ZFPM2: variants seen among roughly 807,000 people sequenced by gnomAD.
The protein encoded by ZFPM2 is zinc finger protein, FOG family member 2, also known as zinc finger protein ZFPM2.
Under a neutral mutation model 98.6 loss-of-function variants are expected in ZFPM2, and 20 were observed. The ratio of observed to expected loss-of-function variants is 0.20; its 90% CI spans 0.14 to 0.29. The LOEUF (loss-of-function observed/expected upper bound fraction) is 0.29. Among genes scored for constraint, ZFPM2 ranks in the 10% least tolerant of loss-of-function variants. The probability of loss-of-function intolerance (pLI) is 1.00; values close to 1 mark genes in which losing one functional copy is unlikely to be tolerated. For missense variants in ZFPM2, 1,310 were observed against 1,388.6 expected (o/e 0.94, Z 0.90); for synonymous variants, 518 against 502.7 (o/e 1.03, Z -0.41).
chr8:105,793,188 C>G (rs1474609444), intron 6 of ZFPM2, among the ~76,000 whole-genome samples: 1 of 151,994 alleles, frequency 6.6e-6, no homozygotes, highest in African/African-American at 2.4e-5. Flanking sequence ...TCTCGATGGT[C>G]TTTACGTTTT....
intron 5 of ZFPM2, among the ~76,000 whole-genome samples, chr8:105,717,289 T>A (rs1034308205): frequency 6.6e-6 from 1 of 151,958 alleles, no homozygotes; most frequent in Non-Finnish European, 1.5e-5. Flanking sequence ...TACCCAACCT[T>A]GAGGGGAAAA....
intron 1 of ZFPM2, among the ~76,000 whole-genome samples, chr8:105,368,393 C>T (rs1320928013): frequency 2.0e-5 from 3 of 152,008 alleles, no homozygotes; most frequent in Non-Finnish European, 4.4e-5. Context: ...AATCTCAGGC[C>T]CAGTGTGTCT....
chr8:105,468,298 T>C (rs1470508582), intron 3 of ZFPM2, among the ~76,000 whole-genome samples: 1 of 152,050 alleles, frequency 6.6e-6, no homozygotes, highest in Admixed American at 6.6e-5. Context: ...TGCTCCCAAA[T>C]TGCACTTGTG....
intron 6 of ZFPM2, chr8:105,795,723 G>T (rs1304143035): frequency 6.1e-5 from 25 of 410,342 alleles, no homozygotes; most frequent in Non-Finnish European, 5.7e-5. Context: ...AAAAGAAATT[G>T]AACTTAACTT....
At chr8:105,799,253 C>T (rs779485786) in intron 7 of ZFPM2, among the ~76,000 whole-genome samples, 1 of 152,072 alleles carries the variant, frequency 6.6e-6, no homozygotes, top group Non-Finnish European at 1.5e-5. Flanking sequence ...TGAATATTGC[C>T]ATTTATTGCT....
chr8:105,505,117 C>T (rs899857376), intron 3 of ZFPM2, among the ~76,000 whole-genome samples: 1 of 152,066 alleles, frequency 6.6e-6, no homozygotes, highest in East Asian at 1.9e-4. Context: ...CTCTTGACCA[C>T]CATTACTTCA....
chr8:105,664,577 G>T (rs920568865), intron 5 of ZFPM2, among the ~76,000 whole-genome samples: 33 of 152,196 alleles, frequency 2.2e-4, no homozygotes, highest in Middle Eastern at 3.4e-3. Context: ...CAGGTGATCC[G>T]CCTGCCTTGG....
intron 5 of ZFPM2, among the ~76,000 whole-genome samples, chr8:105,765,573 T>C (rs1267844188): frequency 1.3e-5 from 2 of 151,590 alleles, no homozygotes; most frequent in Admixed American, 6.6e-5. Flanking sequence ...TTGCACCAAA[T>C]GGTAGAAGAA....
rs1303627095 is a variant in ZFPM2 at position 105,561,415 on chromosome 8, G to T, written c.354G>T (p.Gln118His). 3.7e-6 allele frequency: 6 copies of T among 1,613,468 alleles called. No homozygotes were observed. Among genetic ancestry groups the T allele is most frequent in the Non-Finnish European group, 5.1e-6 (6 of 1,179,670 alleles). ...GGGAACGAAAAATTCAGAGTCGACAGCAACTTCCAGTGGGAACAACCTGGG... is the reference window on the plus strand; with the variant it reads ...GGGAACGAAAAATTCAGAGTCGACATCAACTTCCAGTGGGAACAACCTGGG... ...KDGERKIQSR[Q>H]QLPVGTTWGP... The change falls in exon 4 of 8, where the codon CAG becomes CAT. Residue 118 changes from glutamine (Q) to histidine (H), a missense_variant. Transcript: ENST00000407775.
chr8:105,700,740 C>T (rs1468484947), intron 5 of ZFPM2, among the ~76,000 whole-genome samples: 15 of 151,928 alleles, frequency 9.9e-5, no homozygotes, highest in Non-Finnish European at 1.9e-4. Flanking sequence ...GGATTACAGC[C>T]GCGCACCACC....
At chr8:105,494,480 G>T (rs1813422223) in intron 3 of ZFPM2, among the ~76,000 whole-genome samples, 2 of 151,502 alleles carry the variant, frequency 1.3e-5, no homozygotes, top group Admixed American at 1.3e-4. Flanking sequence ...TTTTCCCTTT[G>T]AATTTACCAT....
chr8:105,743,881 G>C (rs1201176291), intron 5 of ZFPM2, among the ~76,000 whole-genome samples: 1 of 152,062 alleles, frequency 6.6e-6, no homozygotes, highest in African/African-American at 2.4e-5. Context: ...CGTGTTCATA[G>C]ATTTCTCTTA....
chr8:105,675,392 C>G (rs1810419923), intron 5 of ZFPM2, among the ~76,000 whole-genome samples: 5 of 152,058 alleles, frequency 3.3e-5, no homozygotes. Context: ...TTCAGAAGAC[C>G]TGAGTCAAAA....
intron 1 of ZFPM2, among the ~76,000 whole-genome samples, chr8:105,409,793 T>A (rs1811540128): frequency 6.6e-6 from 1 of 151,662 alleles, no homozygotes; most frequent in African/African-American, 2.4e-5. Context: ...TCCCACAGAG[T>A]TTCTGAAATC....
chr8:105,391,702 G>A (rs1039025466), intron 1 of ZFPM2, among the ~76,000 whole-genome samples: 8 of 152,184 alleles, frequency 5.3e-5, no homozygotes, highest in African/African-American at 1.9e-4. Flanking sequence ...AAATTCTCAT[G>A]TGTTAAAGTT....
At chr8:105,623,870 G>A (rs2130821741) in intron 4 of ZFPM2, among the ~76,000 whole-genome samples, 1 of 152,196 alleles carries the variant, frequency 6.6e-6, no homozygotes, top group South Asian at 2.1e-4. Context: ...CTCTAAAAGG[G>A]TTAAAATATC....
intron 4 of ZFPM2, among the ~76,000 whole-genome samples, chr8:105,627,144 C>A (rs984145473): frequency 6.6e-6 from 1 of 152,098 alleles, no homozygotes; most frequent in South Asian, 2.1e-4. Context: ...CTCCATTAAC[C>A]TTTTGGCTTG....
intron 6 of ZFPM2, 64 bp from the exon 7 acceptor site, chr8:105,798,660 G>C (rs1813904078): frequency 1.4e-6 from 2 of 1,452,634 alleles, no homozygotes; most frequent in East Asian, 2.4e-5. Flanking sequence ...ACTAAATGCT[G>C]CTTTACCCAC....
intron 5 of ZFPM2, among the ~76,000 whole-genome samples, chr8:105,686,444 G>A (rs1202043921): frequency 1.3e-5 from 2 of 151,906 alleles, no homozygotes; most frequent in Non-Finnish European, 2.9e-5. Context: ...TTTCCTTAAT[G>A]GCTCTTCTCT....
Sources: gnomAD v4.1 joint callset for allele counts (sites outside exome capture counted in the v4.1 genomes callset) on GRCh38, gnomAD v4.1.1 for gene constraint, MANE v1.5 for transcripts, NCBI Gene and HGNC (gene_info 2026-07-23, HGNC 2026-07-21) for gene names.